Variants in CD101 observed in about 807,000 individuals in gnomAD.
The protein encoded by CD101 is immunoglobulin superfamily member 2.
Under a neutral mutation model 98.2 loss-of-function variants are expected in CD101, and 76 were observed. The observed-to-expected ratio is 0.77, with a 90% confidence interval of 0.64 to 0.94. The LOEUF is 0.94. Ranked by LOEUF, CD101 falls within the 40% of genes least tolerant of loss-of-function variation. The pLI is 0.00. For synonymous variants in CD101, 471 were observed against 472.7 expected, an observed-to-expected ratio of 1.00 and a Z score of 0.05; for missense variants, 1,145 against 1,218.8, an observed-to-expected ratio of 0.94 and a Z score of 0.90.
chr1:117,013,336 ATC>A, intron 3 of CD101, 68 bp from the exon 4 acceptor site: 13 of 1,482,064 alleles, frequency 8.8e-6, no homozygotes, highest in Non-Finnish European at 1.2e-5. Flanking sequence ...AGAGGGTGTC[ATC>A]TCTCTCTGGT....
At position 117,025,915 on chromosome 1, in the gene CD101, G is replaced by A; in HGVS notation, c.2824+11G>A. On this transcript the variant is annotated intron_variant, in intron 8 of 9. Coordinates refer to ENST00000682167, the MANE Select transcript of CD101 (RefSeq NM_001256106.3). ...CGGTGCTGCCTTCAGGTAACCAGGG[G>A]TTTATCTACCGCGAGCTCATGGTCA... is the stretch of plus-strand genomic sequence containing the variant. 2 of 1,595,232 alleles carry A rather than the reference G, an allele frequency of 1.3e-6. No individual in the cohort carries two copies. Among genetic ancestry groups the A allele is most frequent in the South Asian group, 1.1e-5 (1 of 89,214 alleles).
rs150961244 is a variant in CD101, at chr1:117,025,650, C to T, written c.2570C>T (p.Ser857Phe). Residue 857 changes from serine to phenylalanine, a missense_variant, in exon 8 of 10, where the codon TCT becomes TTT. Transcript: ENST00000682167. ...ATGTGGTACTGGAACAGAGAAAACTCTGGAAGTAAATTGCTGGTGCACTTG... is the reference window on the plus strand; with the variant it reads ...ATGTGGTACTGGAACAGAGAAAACTTTGGAAGTAAATTGCTGGTGCACTTG... ...SVMWYWNREN[S>F]GSKLLVHLQH... 6.2e-7 allele frequency: 1 copy of T among 1,614,156 alleles called. No individual in the cohort carries two copies. Among genetic ancestry groups the T allele is most frequent in the Non-Finnish European group, 8.5e-7 (1 of 1,180,028 alleles).
intron 8 of CD101, among the ~76,000 whole-genome samples, chr1:117,029,195 GAAAGA>G (rs879785500): frequency 0.13 from 9,686 of 76,136 alleles, 1,557 homozygotes; most frequent in African/African-American, 0.16. Flanking sequence ...AAGAAAGAAA[GAAAGA>G]AAGAAAAGAA....
At chr1:117,034,457 C>G (rs995793610) in intron 9 of CD101, among the ~76,000 whole-genome samples, 1 of 152,138 alleles carries the variant, frequency 6.6e-6, no homozygotes, top group Admixed American at 6.5e-5. Flanking sequence ...CTTCTCTCTC[C>G]CTCTTATGTC....
In CD101 at chr1:117,018,514, G is replaced by A. The variant is rs767607679; in HGVS notation, c.1971G>A (p.Arg657=). ...RNSLYNNRPP[R]ASAISHPLRI... The stretch of plus-strand genomic sequence containing the variant: ...CCCTATACAACAACCGCCCCCCGAG[G>A]GCTTCTGCCATCTCTCACCCACTGA... The change falls in exon 6 of 10, where the codon AGG becomes AGA. Residue 657 remains arginine (R), a synonymous_variant. Transcript: ENST00000682167. This position sits in a 1 kb window ranked among gnomAD's most constrained non-coding sequence, Gnocchi z 4.3. 6.2e-7 allele frequency: 1 copy of A among 1,611,676 alleles called. No individual in the cohort carries two copies. The highest frequency in any genetic ancestry group is 2.2e-5 in the East Asian group (1 of 44,802).
In CD101 at chr1:117,033,691, C is replaced by T. The variant is rs1402059048; in HGVS notation, c.2825-169C>T. Among the ~76,000 whole-genome samples, 1 of 152,130 alleles carries T rather than the reference C, an allele frequency of 6.6e-6. No homozygotes were observed. Among genetic ancestry groups the T allele is most frequent in the Non-Finnish European group, 1.5e-5 (1 of 68,040 alleles). On this transcript the variant is annotated intron_variant, in intron 8 of 9. Coordinates refer to ENST00000682167, the MANE Select transcript of CD101 (RefSeq NM_001256106.3). This position sits in a 1 kb window ranked among gnomAD's most constrained non-coding sequence, Gnocchi z 4.8. ...AAGAGCCTGTTCCAGGAGCTCTCTT[C>T]CCCCAGTGCTCTGTCCTGTGCTCCT...
At position 117,009,941 on chromosome 1, in the gene CD101, A is replaced by T. The variant is rs1021505702; in HGVS notation, c.135A>T (p.Val45=). 2 of 1,614,040 alleles carry T rather than the reference A, an allele frequency of 1.2e-6. No individual in the cohort carries two copies. The highest frequency in any genetic ancestry group is 3.3e-5 in the Admixed American group (2 of 60,008). Residue 45 remains valine, a synonymous_variant, in exon 2 of 10, where the codon GTA becomes GTT. Coordinates refer to ENST00000682167, the MANE Select transcript of CD101 (RefSeq NM_001256106.3). The part of the protein sequence containing the change: ...EGYPVSIGCN[V]TGHQGPSEQH... ...ACCCAGTCAGCATTGGCTGCAATGT[A>T]ACTGGCCACCAGGGACCTTCTGAGC...
rs190322412 is a variant in CD101, at chr1:117,004,643, G to A, written c.43+2783G>A. On this transcript the variant is annotated intron_variant, in intron 1 of 9. Transcript: ENST00000682167. This position sits in a 1 kb window ranked among gnomAD's most constrained non-coding sequence, Gnocchi z 4.1. ...AGGGCAGTCCTCACAGGTGTTTTTCGGAGGGTGGATGATATGTACTTGAAA... is the reference window on the plus strand; with the variant it reads ...AGGGCAGTCCTCACAGGTGTTTTTCAGAGGGTGGATGATATGTACTTGAAA... Among the ~76,000 whole-genome samples the A allele has an allele frequency of 3.9e-4, 59 of 152,068 alleles. 1 individual carries two copies. Among genetic ancestry groups the A allele is most frequent in the East Asian group, 1.4e-3 (7 of 5,172 alleles).
In CD101 at chr1:117,035,237, A is replaced by G. The variant is rs183949138; in HGVS notation, c.*34-931A>G. Among the ~76,000 whole-genome samples, 275 of 152,320 alleles carry G rather than the reference A, an allele frequency of 1.8e-3. 1 individual carries two copies. Among genetic ancestry groups the G allele is most frequent in the African/African-American group, 6.2e-3 (256 of 41,560 alleles). ...GCCACCTAAAGACTTGAGAAAACACATCTATTTATTATCTATGTGACCAAC... is the reference window on the plus strand; with the variant it reads ...GCCACCTAAAGACTTGAGAAAACACGTCTATTTATTATCTATGTGACCAAC... On this transcript the variant is annotated intron_variant, in intron 9 of 9. Coordinates refer to ENST00000682167, the MANE Select transcript of CD101 (RefSeq NM_001256106.3).
chr1:117,015,789 G>A (rs556084435), intron 4 of CD101, among the ~76,000 whole-genome samples: 15 of 152,280 alleles, frequency 9.9e-5, no homozygotes, highest in African/African-American at 3.6e-4. Flanking sequence ...TGTGCCATTT[G>A]TTCAGTCTTC....
chr1:117,025,972 C>G, intron 8 of CD101, 68 bp downstream of exon 8: 2 of 1,476,864 alleles, frequency 1.4e-6, no homozygotes, highest in Non-Finnish European at 1.8e-6. Context: ...TTATCCTCTC[C>G]CTCTCACCTA....
chr1:117,025,399 A>G (rs1653843394), intron 7 of CD101, 110 bp from the exon 8 acceptor site: 1 of 866,908 alleles, frequency 1.2e-6, no homozygotes, highest in African/African-American at 1.7e-5. Flanking sequence ...AAATGAATGC[A>G]CTGATGTCTA....
At position 117,021,475 on chromosome 1, in the gene CD101, T is replaced by C; in HGVS notation, c.2018-98T>C. On this transcript the variant is annotated intron_variant, in intron 6 of 9. Coordinates refer to ENST00000682167, the MANE Select transcript of CD101 (RefSeq NM_001256106.3). The surrounding 1 kb of genome is among the most constrained non-coding windows in gnomAD (Gnocchi z 4.7). Reference sequence around the variant, plus strand: ...CTGTAGAGGGAGTTCACCCATATGATGGCGGGAGGATGCAGTGTCATACTT... The same window carrying C: ...CTGTAGAGGGAGTTCACCCATATGACGGCGGGAGGATGCAGTGTCATACTT... 2 of 981,446 alleles carry C rather than the reference T, an allele frequency of 2.0e-6. No homozygotes were observed. The highest frequency in any genetic ancestry group is 2.9e-6 in the Non-Finnish European group (2 of 682,590). The allele number at this position is 981,446 out of a possible 1,614,324, so 60.8% of individuals were successfully genotyped here.
At chr1:117,027,854 C>T (rs556809640) in intron 8 of CD101, among the ~76,000 whole-genome samples, 7 of 152,084 alleles carry the variant, frequency 4.6e-5, no homozygotes, top group East Asian at 1.9e-4. Flanking sequence ...GAGGCCAAGG[C>T]GGGCGGGTCA....
rs960575108 is a variant in CD101, at chr1:117,012,495, C to T, written c.841+529C>T. Among the ~76,000 whole-genome samples the T allele has an allele frequency of 9.9e-5, 15 of 152,232 alleles. No individual in the cohort carries two copies. The highest frequency in any genetic ancestry group is 2.2e-4 in the Non-Finnish European group (15 of 68,038). On this transcript the variant is annotated intron_variant, in intron 3 of 9. Transcript: ENST00000682167. This position sits in a 1 kb window ranked among gnomAD's most constrained non-coding sequence, Gnocchi z 4.0. ...AGTTTCCAACATGAAGCCTTGTCTT[C>T]GTCAGTGCTGGGGTTTCCTTCCACC...
At chr1:117,002,986 T>C (rs993377416) in intron 1 of CD101, among the ~76,000 whole-genome samples, 9 of 152,182 alleles carry the variant, frequency 5.9e-5, no homozygotes, top group Non-Finnish European at 7.3e-5. Flanking sequence ...TTAAGAACTC[T>C]TGCTTTATAG....
Position 117,018,825 on chromosome 1 carries a change from C to T in CD101, c.2017+265C>T, listed in dbSNP as rs1653406446. Among the ~76,000 whole-genome samples the T allele has an allele frequency of 6.6e-6, 1 of 152,162 alleles. No homozygotes were observed. The highest frequency in any genetic ancestry group is 6.5e-5 in the Admixed American group (1 of 15,282). On this transcript the variant is annotated intron_variant, in intron 6 of 9. Transcript: ENST00000682167. The surrounding 1 kb of genome is among the most constrained non-coding windows in gnomAD (Gnocchi z 4.3). ...TTCCCCATTTTCCCCTAAGTTCCCA[C>T]CACCCAGCAACTAAAGGGTACCACG... is the stretch of plus-strand genomic sequence containing the variant.
chr1:117,034,476 C>T (rs1048289255), intron 9 of CD101, among the ~76,000 whole-genome samples: 4 of 152,176 alleles, frequency 2.6e-5, no homozygotes, highest in Non-Finnish European at 4.4e-5. Context: ...TCACTTGTCA[C>T]ACCTGCTCTA....
chr1:117,033,927 C>T lies in CD101; in HGVS notation c.2892C>T (p.Phe964=), dbSNP rs751035877. The T allele has an allele frequency of 1.1e-5, 17 of 1,614,078 alleles. No homozygotes were observed. Among genetic ancestry groups the T allele is most frequent in the East Asian group, 2.2e-5 (1 of 44,902 alleles). Residue 964 remains phenylalanine, a synonymous_variant, in exon 9 of 10, where the codon TTC becomes TTT. Coordinates refer to ENST00000682167, the MANE Select transcript of CD101 (RefSeq NM_001256106.3). The surrounding 1 kb of genome is among the most constrained non-coding windows in gnomAD (Gnocchi z 4.8). ...PLLYFLFICP[F]VLLLLLLISL... is the part of the protein sequence containing the mutation. ...TCTATTTCCTGTTCATCTGTCCCTT[C>T]GTCCTGCTCCTCCTTCTGCTCATCT...
Sources: gnomAD v4.1 joint callset for allele counts (sites outside exome capture counted in the v4.1 genomes callset) on GRCh38, gnomAD v4.1.1 for gene constraint, Gnocchi (gnomAD v3.1) non-coding constraint, MANE v1.5 for transcripts, NCBI Gene and HGNC (gene_info 2026-07-23, HGNC 2026-07-21) for gene names.